Variants in ALMS1 observed in about 807,000 individuals in gnomAD.
ALMS1 encodes the protein centrosome-associated protein ALMS1.
A neutral mutation model predicts 352.2 loss-of-function variants in ALMS1; 271 were observed. The observed-to-expected ratio is 0.77, with a 90% CI of 0.70 to 0.85. The LOEUF is 0.85. Among genes scored for constraint, ALMS1 ranks in the 40% least tolerant of loss-of-function variants. ALMS1 has a pLI of 0.00. For synonymous variants in ALMS1, 1,865 were observed against 1,761.2 expected (o/e 1.06, Z -1.48); for missense variants, 5,445 against 4,870.7 (o/e 1.12, Z -3.51).
At chr2:73,406,773 A>AG (rs1202726102) in intron 1 of ALMS1, among the ~76,000 whole-genome samples, 3 of 152,132 alleles carry the variant, frequency 2.0e-5, no homozygotes, top group African/African-American at 7.2e-5. Context: ...CTACAGGCAC[A>AG]GGCCACCATG....
chr2:73,544,004 T>C (rs1393709641), intron 12 of ALMS1, among the ~76,000 whole-genome samples: 3 of 152,070 alleles, frequency 2.0e-5, no homozygotes, highest in East Asian at 1.9e-4. Context: ...ACCCAGCCAT[T>C]CCATTAACTG....
intron 16 of ALMS1, among the ~76,000 whole-genome samples, chr2:73,583,668 A>G (rs990190458): frequency 3.9e-5 from 6 of 152,188 alleles, no homozygotes; most frequent in African/African-American, 7.2e-5. Flanking sequence ...TGTACATGGT[A>G]TAAGATAAGG....
At chr2:73,536,500 A>G (rs1488776756) in intron 12 of ALMS1, among the ~76,000 whole-genome samples, 2 of 152,110 alleles carry the variant, frequency 1.3e-5, no homozygotes, top group African/African-American at 2.4e-5. Flanking sequence ...TCATGTTTTC[A>G]TCTATTCTGA....
rs778190181 is a variant in ALMS1 at position 73,562,023 on chromosome 2, T to TA, written c.10384+2890dup. ...ATTAGAAGAAAGAGATGAAAGCAATTAAAAAAAAATGATGGAATTTGAAGG... is the reference window on the plus strand; with the variant it reads ...ATTAGAAGAAAGAGATGAAAGCAATTAAAAAAAAAATGATGGAATTTGAAGG... On this transcript the variant is annotated intron_variant, in intron 15 of 22. Coordinates refer to ENST00000613296, the MANE Select transcript of ALMS1 (RefSeq NM_001378454.1). Among the ~76,000 whole-genome samples the TA allele has an allele frequency of 3.3e-5, 5 of 149,332 alleles. No homozygotes were observed. In the South Asian group the frequency reaches 8.6e-4, roughly 26 times the overall value.
chr2:73,458,427 A>G (rs898606399), intron 9 of ALMS1: 1 of 152,188 alleles, frequency 6.6e-6, no homozygotes, highest in Non-Finnish European at 1.5e-5. Context: ...GATATGCGCC[A>G]TCCTCATCTA....
intron 16 of ALMS1, among the ~76,000 whole-genome samples, chr2:73,594,166 T>C (rs1675496027): frequency 6.6e-6 from 1 of 152,224 alleles, no homozygotes; most frequent in South Asian, 2.1e-4. Context: ...CCAAAATGAC[T>C]GCACCATTTT....
chr2:73,433,920 T>A (rs1229695816), intron 7 of ALMS1, among the ~76,000 whole-genome samples: 2 of 152,212 alleles, frequency 1.3e-5, no homozygotes, highest in Non-Finnish European at 2.9e-5. Context: ...CCATGTAATC[T>A]CTTTCATTTC....
intron 9 of ALMS1, among the ~76,000 whole-genome samples, chr2:73,468,527 T>A (rs1443472617): frequency 6.6e-6 from 1 of 152,040 alleles, no homozygotes; most frequent in Non-Finnish European, 1.5e-5. Context: ...TTATACCCAT[T>A]AAATAATAAC....
intron 16 of ALMS1, among the ~76,000 whole-genome samples, chr2:73,583,674 T>G (rs1455215584): frequency 6.6e-6 from 1 of 152,236 alleles, no homozygotes; most frequent in Non-Finnish European, 1.5e-5. Context: ...TGGTATAAGA[T>G]AAGGGTCCAA....
At chr2:73,558,328 A>T (rs1380366884) in intron 14 of ALMS1, among the ~76,000 whole-genome samples, 1 of 152,210 alleles carries the variant, frequency 6.6e-6, no homozygotes, top group Non-Finnish European at 1.5e-5. Context: ...TGCTTGTTTA[A>T]AAAGGTTAGA....
chr2:73,408,750 A>G lies in ALMS1; in HGVS notation c.450+3A>G, dbSNP rs1371008925. 2.5e-6 allele frequency: 4 copies of G among 1,591,532 alleles called. No homozygotes were observed. Among genetic ancestry groups the G allele is most frequent in the Admixed American group, 3.4e-5 (2 of 59,034 alleles). ...AGCGGGGTTCTGGGGATGATCAGGT[A>G]TGTCTTCTGTAACTGGCTAACTTTT... On this transcript the variant is annotated splice_donor_region_variant and intron_variant, in intron 2 of 22. Transcript: ENST00000613296.
rs1674718114 is a variant in ALMS1 at position 73,563,750 on chromosome 2, AAAAT to A, written c.10384+4609_10384+4612del. Among the ~76,000 whole-genome samples, 37 of 150,534 alleles carry A rather than the reference AAAAT, an allele frequency of 2.5e-4. 2 individuals carry two copies. The highest frequency in any genetic ancestry group is 6.3e-4 in the South Asian group (3 of 4,774). ...AAAAAAAAAAAAAAAATAAAAATAA[AAAAT>A]GAAGGTATGGAATTATATGAAAACA... On this transcript the variant is annotated intron_variant, in intron 15 of 22. Coordinates refer to ENST00000613296, the MANE Select transcript of ALMS1 (RefSeq NM_001378454.1).
chr2:73,591,736 T>C (rs1675437209), intron 16 of ALMS1, among the ~76,000 whole-genome samples: 2 of 152,310 alleles, frequency 1.3e-5, no homozygotes, highest in Non-Finnish European at 1.5e-5. Context: ...CTTATAGTTA[T>C]TAAAGCCAAG....
chr2:73,398,896 T>C (rs1670816914), intron 1 of ALMS1, among the ~76,000 whole-genome samples: 1 of 152,120 alleles, frequency 6.6e-6, no homozygotes, highest in African/African-American at 2.4e-5. Context: ...CGGGCTGGAG[T>C]GCAGTGGTGT....
At chr2:73,535,984 C>G (rs1421767366) in intron 12 of ALMS1, among the ~76,000 whole-genome samples, 3 of 151,964 alleles carry the variant, frequency 2.0e-5, no homozygotes, top group Non-Finnish European at 1.5e-5. Flanking sequence ...TGCACTAAAG[C>G]CTCTGATACA....
Position 73,490,329 on chromosome 2 carries a change from A to G in ALMS1, c.8370A>G (p.Glu2790=). ...SQDKEVTILA[E]GRRQSQKLPV... is the part of the protein sequence containing the mutation. ...ATAAAGAAGTGACTATTTTAGCAGA[A>G]GGTAGAAGGCAAAGCCAAAAATTAC... Residue 2790 remains glutamate, a synonymous_variant, in exon 10 of 23, where the codon GAA becomes GAG. Transcript: ENST00000613296. The G allele has an allele frequency of 6.2e-7, 1 of 1,611,898 alleles. No individual in the cohort carries two copies. Among genetic ancestry groups the G allele is most frequent in the Non-Finnish European group, 8.5e-7 (1 of 1,179,028 alleles).
At chr2:73,442,439 C>T (rs1277472281) in intron 7 of ALMS1, among the ~76,000 whole-genome samples, 5 of 152,132 alleles carry the variant, frequency 3.3e-5, no homozygotes, top group Non-Finnish European at 7.4e-5. Flanking sequence ...TTGATAGCTT[C>T]ATTCCATATT....
At chr2:73,545,102 T>A (rs1191055840) in intron 12 of ALMS1, among the ~76,000 whole-genome samples, 1 of 151,946 alleles carries the variant, frequency 6.6e-6, no homozygotes, top group Non-Finnish European at 1.5e-5. Flanking sequence ...TGGAGATAGA[T>A]GGTAGTGATG....
At chr2:73,608,933 C>T (rs1274682443) in intron 22 of ALMS1, among the ~76,000 whole-genome samples, 1 of 152,186 alleles carries the variant, frequency 6.6e-6, no homozygotes, top group Non-Finnish European at 1.5e-5. Context: ...AGTCAGATAC[C>T]TTTAGAACTG....
Sources: gnomAD v4.1 joint callset for allele counts (sites outside exome capture counted in the v4.1 genomes callset) on GRCh38, gnomAD v4.1.1 for gene constraint, MANE v1.5 for transcripts, NCBI Gene and HGNC (gene_info 2026-07-23, HGNC 2026-07-21) for gene names.